Variants in COPB1 observed in about 807,000 individuals in gnomAD.
COPB1 encodes the protein coat protein complex I subunit beta 1, also known as coatomer subunit beta.
A neutral mutation model predicts 108.7 loss-of-function variants in COPB1; 21 were observed. The observed-to-expected ratio is 0.19, with a 90% confidence interval of 0.14 to 0.28. COPB1 has a LOEUF of 0.28. Ranked by LOEUF, COPB1 falls within the 10% of genes least tolerant of loss-of-function variation. COPB1 has a pLI of 1.00. For missense variants in COPB1, 919 were observed against 1,141.3 expected (o/e 0.81, Z 2.81); for synonymous variants, 378 against 386.8 (o/e 0.98, Z 0.27).
intron 4 of COPB1, among the ~76,000 whole-genome samples, chr11:14,492,185 T>C (rs1193301324): frequency 1.3e-5 from 2 of 152,122 alleles, no homozygotes; most frequent in Non-Finnish European, 2.9e-5. Context: ...CCTCACAAAA[T>C]TAATAATTTC....
chr11:14,498,958 G>T lies in COPB1; in HGVS notation c.-30C>A. ...TCTGGTTATATTATAACCAATCCTT[G>T]ACACAAGATTTAAGGATGCCAGAAA... On this transcript the variant is annotated 5_prime_UTR_variant, in exon 2 of 22. Transcript: ENST00000439561. 1 of 1,540,270 alleles carries T rather than the reference G, an allele frequency of 6.5e-7. No individual in the cohort carries two copies. Among genetic ancestry groups the T allele is most frequent in the Non-Finnish European group, 8.8e-7 (1 of 1,132,788 alleles).
In COPB1 at chr11:14,465,062, TACACACACACACACACACACACACACAC is replaced by T. The variant is rs3835110; in HGVS notation, c.2291-60_2291-33del. 552 of 1,113,598 alleles carry T rather than the reference TACACACACACACACACACACACACACAC, an allele frequency of 5.0e-4. No individual in the cohort carries two copies. The African/African-American group carries it at 7.0e-3, about 14-fold the overall frequency. 69.0% of individuals were successfully genotyped at this position (1,113,598 alleles called of 1,614,324 possible). A position where few individuals can be genotyped will look rare whatever the true frequency, so the allele number is the denominator to read the frequency against. The stretch of plus-strand genomic sequence containing the variant: ...GAAAGAGTTTGGATATGGTTAAAAA[TACACACACACACACACACACACACACAC>T]ACACACACACACACACACACTAACC... On this transcript the variant is annotated intron_variant, in intron 17 of 21. Transcript: ENST00000439561.
At chr11:14,481,380 CA>C (rs764701905) in intron 8 of COPB1, among the ~76,000 whole-genome samples, 46 of 152,222 alleles carry the variant, frequency 3.0e-4, no homozygotes, top group Non-Finnish European at 5.0e-4. Context: ...AGTCAAAGAA[CA>C]AGCTAAACAA....
chr11:14,478,085 C>CT (rs1850568464), intron 11 of COPB1, among the ~76,000 whole-genome samples: 1 of 151,934 alleles, frequency 6.6e-6, no homozygotes, highest in Non-Finnish European at 1.5e-5. Context: ...CAGAAAGAAT[C>CT]TAACAAAACC....
In COPB1 at chr11:14,483,107, G is replaced by A; in HGVS notation, c.882C>T (p.Asp294=). ...CCAAAACTATGAGTTTTACATTGTT[G>A]TCGCTCTCCTTAATAATTAAATCAA... ...CYIDLIIKES[D]NNVKLIVLDR... is the part of the protein sequence containing the mutation. Residue 294 remains aspartate, a synonymous_variant, in exon 8 of 22, where the codon GAC becomes GAT. Transcript: ENST00000439561. The A allele has an allele frequency of 6.3e-7, 1 of 1,590,994 alleles. No individual in the cohort carries two copies.
chr11:14,475,912 C>T lies in COPB1; in HGVS notation c.1489G>A (p.Ala497Thr). The T allele has an allele frequency of 4.3e-6, 7 of 1,611,022 alleles. No homozygotes were observed. Among genetic ancestry groups the T allele is most frequent in the Non-Finnish European group, 5.9e-6 (7 of 1,179,136 alleles). Residue 497 changes from alanine to threonine, a missense_variant, in exon 13 of 22, where the codon GCT becomes ACT. By Grantham distance (58) the Ala-to-Thr change is moderately conservative. This residue lies in a region of COPB1 where 705 missense variants were observed against 817.8 expected (regional missense o/e 0.86). Coordinates refer to ENST00000439561, the MANE Select transcript of COPB1 (RefSeq NM_001144061.2). ...TCTTCTTCAGGTTTTAATTCACCAG[C>T]TTCTTTCTTTATTTCTGACTCTACA... ...PIVESEIKKE[A>T]GELKPEEEIT...
chr11:14,486,383 G>A lies in COPB1; in HGVS notation c.821C>T (p.Ala274Val). 2.5e-6 allele frequency: 4 copies of A among 1,614,102 alleles called. No individual in the cohort carries two copies. The highest frequency in any genetic ancestry group is 3.4e-6 in the Non-Finnish European group (4 of 1,180,010). ...ACACAGTACCTTGATTGCAGTTGGT[G>A]CACTAGAGAGTGTCACTAATGTCCC... ...AAGTLVTLSS[A>V]PTAIKAAAQC... The change falls in exon 7 of 22, where the codon GCA becomes GTA. Residue 274 changes from alanine (A) to valine (V), a missense_variant. By Grantham distance (64) the Ala-to-Val change is moderately conservative (BLOSUM62 0). Transcript: ENST00000439561.
At chr11:14,481,567 G>A (rs567260322) in intron 8 of COPB1, among the ~76,000 whole-genome samples, 60 of 152,234 alleles carry the variant, frequency 3.9e-4, no homozygotes, top group Admixed American at 1.2e-3. Context: ...AAACAAAAAG[G>A]GCTTTTGGGA....
At chr11:14,460,642 G>A (rs1209964921) in intron 19 of COPB1, among the ~76,000 whole-genome samples, 1 of 151,800 alleles carries the variant, frequency 6.6e-6, no homozygotes, top group Non-Finnish European at 1.5e-5. Flanking sequence ...TCAGTCTCCG[G>A]AGTAGCTGGG....
At chr11:14,492,177 T>C (rs888767578) in intron 4 of COPB1, among the ~76,000 whole-genome samples, 7 of 152,094 alleles carry the variant, frequency 4.6e-5, no homozygotes, top group Non-Finnish European at 8.8e-5. Context: ...TCATCACACC[T>C]CACAAAATTA....
Position 14,466,436 on chromosome 11 carries a change from CAAAAACA to C in COPB1, c.2146-17_2146-11del. 1.2e-6 allele frequency: 2 copies of C among 1,606,306 alleles called. No individual in the cohort carries two copies. Among genetic ancestry groups the C allele is most frequent in the Non-Finnish European group, 1.7e-6 (2 of 1,177,120 alleles). ...CTGTCAATTGGGTGACCTGTCAAAA[CAAAAACA>C]AAGACATAATCAAATGACAGATGCA... On this transcript the variant is annotated splice_polypyrimidine_tract_variant and intron_variant, in intron 16 of 21. Transcript: ENST00000439561.
Position 14,468,861 on chromosome 11 carries a change from C to T in COPB1, c.1966-1G>A. The stretch of plus-strand genomic sequence containing the variant: ...TCACATTCCTCTTTTCAGATTCTTT[C>T]TGTGTTGAGAATATAACAAAGTCTC... On this transcript the variant is annotated splice_acceptor_variant, in intron 15 of 21. Transcript: ENST00000439561. LOFTEE classifies it high-confidence loss of function. 1 of 1,612,948 alleles carries T rather than the reference C, an allele frequency of 6.2e-7. No individual in the cohort carries two copies. Among genetic ancestry groups the T allele is most frequent in the Non-Finnish European group, 8.5e-7 (1 of 1,179,326 alleles).
At chr11:14,494,105 A>T in intron 3 of COPB1, 105 bp downstream of exon 3, 1 of 794,090 alleles carries the variant, frequency 1.3e-6, no homozygotes, top group Non-Finnish European at 2.0e-6. Context: ...TCTACAACTT[A>T]CATCTTATCA....
rs1368983070 is a variant in COPB1 at position 14,483,133 on chromosome 11, T to C, written c.856A>G (p.Ile286Val). The C allele has an allele frequency of 3.8e-6, 6 of 1,575,280 alleles. No individual in the cohort carries two copies. Among genetic ancestry groups the C allele is most frequent in the South Asian group, 2.3e-5 (2 of 88,564 alleles). Reference sequence around the variant, plus strand: ...TCGCTCTCCTTAATAATTAAATCAATGTAACACTGAGCAGCAGCCTATATA... The same window carrying C: ...TCGCTCTCCTTAATAATTAAATCAACGTAACACTGAGCAGCAGCCTATATA... ...TAIKAAAQCY[I>V]DLIIKESDNN... is the part of the protein sequence containing the mutation. Residue 286 changes from isoleucine to valine, a missense_variant, in exon 8 of 22, where the codon ATT (isoleucine) becomes GTT (valine). Physicochemically the swap from Ile to Val is conservative, Grantham distance 29 (BLOSUM62 3). Coordinates refer to ENST00000439561, the MANE Select transcript of COPB1 (RefSeq NM_001144061.2).
intron 16 of COPB1, 147 bp downstream of exon 16, chr11:14,468,534 C>T (rs1850332899): frequency 1.5e-6 from 1 of 682,308 alleles, no homozygotes; most frequent in Non-Finnish European, 2.5e-6. Flanking sequence ...TAAGGTACTT[C>T]ATCAGCTTCT....
intron 4 of COPB1, among the ~76,000 whole-genome samples, chr11:14,492,425 C>T (rs1850923413): frequency 6.6e-6 from 1 of 152,048 alleles, no homozygotes; most frequent in African/African-American, 2.4e-5. Context: ...TTCATCGCAA[C>T]CTCTGCCTCC....
chr11:14,493,006 C>T (rs1273460155), intron 4 of COPB1, among the ~76,000 whole-genome samples: 2 of 151,970 alleles, frequency 1.3e-5, no homozygotes, highest in Non-Finnish European at 2.9e-5. Context: ...ATTGGCTGGG[C>T]GTGGTGGTGG....
rs1851086456 is a variant in COPB1 at position 14,498,885 on chromosome 11, G to A, written c.44C>T (p.Pro15Leu). The stretch of plus-strand genomic sequence containing the variant: ...TTCAGATGGTGGTTCTGAATCCATT[G>A]GCACGTTAATTAACGTGTAGCATAC... ...ENVCYTLINV[P>L]MDSEPPSEIS... Residue 15 changes from proline to leucine, a missense_variant, in exon 2 of 22, where the codon CCA becomes CTA. Transcript: ENST00000439561. The A allele has an allele frequency of 5.0e-6, 8 of 1,609,100 alleles. No individual in the cohort carries two copies. The highest frequency in any genetic ancestry group is 6.8e-6 in the Non-Finnish European group (8 of 1,178,490).
At chr11:14,469,647 A>G in intron 14 of COPB1, 84 bp from the exon 15 acceptor site, 3 of 1,138,884 alleles carry the variant, frequency 2.6e-6, no homozygotes, top group South Asian at 2.7e-5. Context: ...TCACAATCTA[A>G]ATTTTCACTT....
Sources: allele counts gnomAD v4.1 joint callset (sites outside exome capture counted in the v4.1 genomes callset), GRCh38; gene constraint gnomAD v4.1.1; regional missense constraint gnomAD v4.1.1; transcripts MANE v1.5; gene names NCBI Gene and HGNC (gene_info 2026-07-23, HGNC 2026-07-21).